WDSUB1: variants seen among roughly 807,000 people sequenced by gnomAD.
The protein encoded by WDSUB1 is WD repeat, sterile alpha motif and U-box domain containing 1.
A neutral mutation model predicts 53.9 loss-of-function variants in WDSUB1; 49 were observed. The observed-to-expected ratio is 0.91, with a 90% CI of 0.72 to 1.15. The LOEUF (loss-of-function observed/expected upper bound fraction) is 1.15, where lower values mean the gene tolerates loss of function less well. WDSUB1 is among the 50% of genes most tolerant of loss of function. WDSUB1 has a pLI of 0.00. For missense variants in WDSUB1, 514 were observed against 562.0 expected (o/e 0.91, Z 0.86); for synonymous variants, 194 against 200.6 (o/e 0.97, Z 0.28).
intron 5 of WDSUB1, among the ~76,000 whole-genome samples, chr2:159,265,093 A>T (rs1422122178): frequency 1.4e-5 from 2 of 146,656 alleles, no homozygotes; most frequent in Non-Finnish European, 3.0e-5. Flanking sequence ...TCAAAAAAAA[A>T]AAAAAATAAA....
rs2061522440 is a variant in WDSUB1, at chr2:159,275,585, G to A, written c.637C>T (p.Gln213Ter). The A allele has an allele frequency of 1.2e-5, 20 of 1,607,342 alleles. No homozygotes were observed. The highest frequency in any genetic ancestry group is 1.7e-5 in the Admixed American group (1 of 58,718). Reference protein sequence around the residue: ...FRLASCGQDCQVKIWIVSFTH... With the variant: ...FRLASCGQDC ...AAAGAAACAATCCAAATTTTGACTT[G>A]GCAATCCTGACCACATGATGCCAGT... Residue 213 changes from glutamine (Q) to a stop codon, truncating the protein, a stop_gained, in exon 4 of 11, where the codon CAA becomes TAA. Coordinates refer to ENST00000359774, the MANE Select transcript of WDSUB1 (RefSeq NM_001128212.3). LOFTEE classifies it high-confidence loss of function.
chr2:159,266,213 G>A (rs969984785), intron 5 of WDSUB1, among the ~76,000 whole-genome samples: 1 of 151,820 alleles, frequency 6.6e-6, no homozygotes, highest in South Asian at 2.1e-4. Flanking sequence ...TTTTGAGACA[G>A]AGTCTTGCTC....
At chr2:159,260,905 C>G (rs2061174630) in intron 5 of WDSUB1, among the ~76,000 whole-genome samples, 2 of 152,194 alleles carry the variant, frequency 1.3e-5, no homozygotes, top group African/African-American at 2.4e-5. Flanking sequence ...AGTCTGACCA[C>G]AGGATTCACA....
chr2:159,253,767 A>C lies in WDSUB1; in HGVS notation c.1132+2429T>G, dbSNP rs1432376447. On this transcript the variant is annotated intron_variant, in intron 9 of 10. Coordinates refer to ENST00000359774, the MANE Select transcript of WDSUB1 (RefSeq NM_001128212.3). ...CTCAACATATTTGTTTCTAGACCAA[A>C]TTTAATTCTCTATTAGTGCAATTTA... 2.0e-5 allele frequency among the ~76,000 whole-genome samples: 3 copies of C among 152,208 alleles called. No homozygotes were observed. In the East Asian group the frequency reaches 5.8e-4, roughly 29 times the overall value.
chr2:159,264,120 A>G (rs1272665931), intron 5 of WDSUB1, among the ~76,000 whole-genome samples: 3 of 152,206 alleles, frequency 2.0e-5, no homozygotes, highest in African/African-American at 7.2e-5. Flanking sequence ...TCTTCCCCCA[A>G]TGTATCAAAA....
Position 159,248,366 on chromosome 2 carries a change from A to T in WDSUB1, c.1273+6T>A, listed in dbSNP as rs79889012. Reference sequence around the variant, plus strand: ...CCCCTGCAACTTAGTATAGCATCACACATACCTGATGCGATGACCGGATCT... The same window carrying T: ...CCCCTGCAACTTAGTATAGCATCACTCATACCTGATGCGATGACCGGATCT... On this transcript the variant is annotated splice_donor_region_variant and intron_variant, in intron 10 of 10. Coordinates refer to ENST00000359774, the MANE Select transcript of WDSUB1 (RefSeq NM_001128212.3). 1.9e-6 allele frequency: 3 copies of T among 1,611,528 alleles called. No homozygotes were observed. The highest frequency in any genetic ancestry group is 2.5e-6 in the Non-Finnish European group (3 of 1,179,190).
intron 4 of WDSUB1, 96 bp from the exon 5 acceptor site, chr2:159,271,891 C>A: frequency 1.0e-6 from 1 of 979,218 alleles, no homozygotes; most frequent in South Asian, 1.6e-5. Flanking sequence ...AACAAATAAT[C>A]TTTGAGTGCC....
chr2:159,261,870 ATATATATATATATATATATATATAT>A (rs2061205912), intron 5 of WDSUB1, among the ~76,000 whole-genome samples: 1 of 14,088 alleles, frequency 7.1e-5, no homozygotes, highest in African/African-American at 4.1e-4. Context: ...ATATATATAT[ATATATATATATATATATATATATAT>A]ATTTTTTTTT....
chr2:159,275,357 A>C (rs773489261), intron 4 of WDSUB1, among the ~76,000 whole-genome samples, 189 bp downstream of exon 4: 1 of 152,244 alleles, frequency 6.6e-6, no homozygotes, highest in Non-Finnish European at 1.5e-5. Flanking sequence ...TGGCAGTAGA[A>C]TGGGTGAGGT....
rs767210177 is a variant in WDSUB1 at position 159,283,041 on chromosome 2, T to A, written c.29A>T (p.Asp10Val). MVKLIHTLADHGDDVNCCAF... is the reference protein window; with the variant it reads MVKLIHTLAVHGDDVNCCAF... Reference sequence around the variant, plus strand: ...ACAGCAGTTGACATCGTCACCATGATCAGCTAATGTGTGAATCAGTTTCAC... The same window carrying A: ...ACAGCAGTTGACATCGTCACCATGAACAGCTAATGTGTGAATCAGTTTCAC... Residue 10 changes from aspartate (D) to valine (V), a missense_variant, in exon 2 of 11, where the codon GAT (aspartate) becomes GTT (valine). Asp to Val is a radical substitution (Grantham distance 152). Coordinates refer to ENST00000359774, the MANE Select transcript of WDSUB1 (RefSeq NM_001128212.3). 4 of 1,613,558 alleles carry A rather than the reference T, an allele frequency of 2.5e-6. No homozygotes were observed. Among genetic ancestry groups the A allele is most frequent in the Non-Finnish European group, 3.4e-6 (4 of 1,179,554 alleles).
intron 6 of WDSUB1, among the ~76,000 whole-genome samples, chr2:159,258,566 G>A (rs902892034): frequency 6.6e-6 from 1 of 152,184 alleles, no homozygotes; most frequent in Admixed American, 6.5e-5. Flanking sequence ...GGCTAAGGCA[G>A]GAGAATTGCT....
At position 159,256,968 on chromosome 2, in the gene WDSUB1, G is replaced by A. The variant is rs184851045; in HGVS notation, c.953-593C>T. ...AGCATTTACCAACAGCTTTAACACA[G>A]CCCAGCCACTTCAACACTGGCTTCT... On this transcript the variant is annotated intron_variant, in intron 8 of 10. Coordinates refer to ENST00000359774, the MANE Select transcript of WDSUB1 (RefSeq NM_001128212.3). 3.6e-3 allele frequency among the ~76,000 whole-genome samples: 542 copies of A among 152,218 alleles called. 2 individuals are homozygous for A. The highest frequency in any genetic ancestry group is 0.01 in the South Asian group (50 of 4,822).
intron 5 of WDSUB1, among the ~76,000 whole-genome samples, 187 bp from the exon 6 acceptor site, chr2:159,260,030 G>A (rs763750403): frequency 5.3e-5 from 8 of 152,148 alleles, no homozygotes; most frequent in Non-Finnish European, 1.0e-4. Flanking sequence ...GTGGCCAGGC[G>A]CAGCGGCTCA....
At chr2:159,273,346 T>C (rs919462088) in intron 4 of WDSUB1, among the ~76,000 whole-genome samples, 2 of 152,236 alleles carry the variant, frequency 1.3e-5, no homozygotes, top group Non-Finnish European at 2.9e-5. Context: ...AAGACCCATA[T>C]GTCTCTCTAC....
At chr2:159,242,814 G>C (rs73967271) in intron 10 of WDSUB1, among the ~76,000 whole-genome samples, 8 of 147,770 alleles carry the variant, frequency 5.4e-5, no homozygotes, top group Non-Finnish European at 7.4e-5. Context: ...CACTAAGCCC[G>C]TATTACTTTC....
At chr2:159,244,464 A>G (rs2060739644) in intron 10 of WDSUB1, among the ~76,000 whole-genome samples, 2 of 151,750 alleles carry the variant, frequency 1.3e-5, no homozygotes, top group Admixed American at 6.6e-5. Flanking sequence ...AGTAAGCTAG[A>G]GATGATTTGA....
At chr2:159,256,998 AATT>A (rs1397117833) in intron 8 of WDSUB1, among the ~76,000 whole-genome samples, 13 of 152,004 alleles carry the variant, frequency 8.6e-5, no homozygotes, top group South Asian at 2.1e-4. Context: ...GCTTCTGTAA[AATT>A]ATTATTATTA....
intron 10 of WDSUB1, among the ~76,000 whole-genome samples, chr2:159,245,306 C>A (rs957421846): frequency 5.9e-5 from 9 of 152,086 alleles, no homozygotes; most frequent in Non-Finnish European, 7.4e-5. Flanking sequence ...GGAGGACAGA[C>A]CCCCTGAGGC....
In WDSUB1 at chr2:159,238,665, T is replaced by C. The variant is rs145096334; in HGVS notation, c.1274-2475A>G. On this transcript the variant is annotated intron_variant, in intron 10 of 10. Coordinates refer to ENST00000359774, the MANE Select transcript of WDSUB1 (RefSeq NM_001128212.3). ...GATTTCTGGATTTTAAACTTTTCCA[T>C]TGTTCTATTCCTGGGCCAACACTAC... Among the ~76,000 whole-genome samples the C allele has an allele frequency of 4.6e-5, 7 of 152,340 alleles. No individual in the cohort carries two copies. In the East Asian group the frequency reaches 5.8e-4, roughly 13 times the overall value.
Sources: gnomAD v4.1 joint callset for allele counts (sites outside exome capture counted in the v4.1 genomes callset) on GRCh38, gnomAD v4.1.1 for gene constraint, MANE v1.5 for transcripts, NCBI Gene and HGNC (gene_info 2026-07-23, HGNC 2026-07-21) for gene names.